SND1: variants seen among roughly 807,000 people sequenced by gnomAD.
SND1 encodes the protein staphylococcal nuclease domain-containing protein 1.
SND1 carries 38 observed loss-of-function variants against 121.7 expected under a neutral mutation model. That is an observed-to-expected ratio of 0.31 (90% CI 0.24 to 0.41). SND1 has a LOEUF of 0.41. Ranked by LOEUF, SND1 falls within the 10% of genes least tolerant of loss-of-function variation. The pLI is 1.00. For missense variants in SND1, 868 were observed against 1,184.6 expected (o/e 0.73, Z 3.92); for synonymous variants, 401 against 447.4 (o/e 0.90, Z 1.31).
intron 16 of SND1, among the ~76,000 whole-genome samples, chr7:128,017,704 T>C (rs1262438057): frequency 2.6e-5 from 4 of 152,206 alleles, no homozygotes; most frequent in Admixed American, 2.6e-4. Context: ...GGGGGCAAAC[T>C]CTTTACCCTT....
At chr7:127,938,596 A>T (rs1440067389) in intron 15 of SND1, among the ~76,000 whole-genome samples, 1 of 152,234 alleles carries the variant, frequency 6.6e-6, no homozygotes, top group Admixed American at 6.5e-5. Flanking sequence ...AGGCAGAAGA[A>T]GTTGGCCTGT....
chr7:127,721,370 A>C lies in SND1; in HGVS notation c.1122A>C (p.Arg374=), dbSNP rs757116143. Residue 374 remains arginine, a synonymous_variant, in exon 10 of 24, where the codon CGA becomes CGC. Coordinates refer to ENST00000354725, the MANE Select transcript of SND1 (RefSeq NM_014390.4). ...DYKTIHLSSI[R]PPRLEGENTQ... ...AGACGATTCACCTGTCCAGCATCCG[A>C]CCACCGAGGCTGGAGGGGGAGAACA... The C allele has an allele frequency of 5.6e-6, 9 of 1,612,442 alleles. No individual in the cohort carries two copies. The African/African-American group carries it at 9.3e-5, about 17-fold the overall frequency.
chr7:127,840,139 G>T (rs796923334), intron 11 of SND1, among the ~76,000 whole-genome samples: 1 of 152,234 alleles, frequency 6.6e-6, no homozygotes, highest in Non-Finnish European at 1.5e-5. Context: ...CACTCTTGGA[G>T]CTTACAGTTG....
chr7:128,083,826 GA>G (rs1341542161), intron 18 of SND1, among the ~76,000 whole-genome samples: 1 of 152,212 alleles, frequency 6.6e-6, no homozygotes, highest in Admixed American at 6.5e-5. Context: ...GACTGAGCTA[GA>G]ATCAGGGCCA....
intron 1 of SND1, among the ~76,000 whole-genome samples, chr7:127,667,424 G>T (rs1250225502): frequency 6.6e-6 from 1 of 152,090 alleles, no homozygotes; most frequent in Non-Finnish European, 1.5e-5. Context: ...ATTATGATTT[G>T]ATATTTTGTA....
Position 128,029,270 on chromosome 7 carries a change from T to G in SND1, c.1779+38214T>G. The G allele has an allele frequency of 6.2e-7, 1 of 1,614,174 alleles. No individual in the cohort carries two copies. Among genetic ancestry groups the G allele is most frequent in the Non-Finnish European group, 8.5e-7 (1 of 1,180,038 alleles). ...GCGAGATCTCCGTGGTCTCCACTGTTACTGTGGTGAAGAAGCTGTAGTTGG... is the reference window on the plus strand; with the variant it reads ...GCGAGATCTCCGTGGTCTCCACTGTGACTGTGGTGAAGAAGCTGTAGTTGG... On this transcript the variant is annotated intron_variant, in intron 16 of 23. Coordinates refer to ENST00000354725, the MANE Select transcript of SND1 (RefSeq NM_014390.4). This position sits in a 1 kb window ranked among gnomAD's most constrained non-coding sequence, Gnocchi z 4.2.
rs1055279705 is a variant in SND1 at position 128,015,246 on chromosome 7, T to C, written c.1779+24190T>C. Among the ~76,000 whole-genome samples, 7 of 152,192 alleles carry C rather than the reference T, an allele frequency of 4.6e-5. No homozygotes were observed. Among genetic ancestry groups the C allele is most frequent in the Admixed American group, 4.6e-4 (7 of 15,284 alleles). ...GTCAGGCCTTGCCCGCAGGTCAACG[T>C]GGGGCTAAAATGAAGACCGCTCTTA... On this transcript the variant is annotated intron_variant, in intron 16 of 23. Transcript: ENST00000354725. The surrounding 1 kb of genome is among the most constrained non-coding windows in gnomAD (Gnocchi z 4.5).
intron 10 of SND1, among the ~76,000 whole-genome samples, chr7:127,771,131 A>G (rs1258071322): frequency 2.6e-5 from 4 of 152,188 alleles, no homozygotes; most frequent in Non-Finnish European, 5.9e-5. Flanking sequence ...GTTCTTGCTA[A>G]TCGTGTTGTC....
At chr7:127,764,056 A>AAAC (rs144387934) in intron 10 of SND1, among the ~76,000 whole-genome samples, 30,441 of 132,112 alleles carry the variant, frequency 0.23, 3,818 homozygotes, top group Admixed American at 0.3. Context: ...AAAAAAACAA[A>AAAC]AAAACAAAAA....
intron 1 of SND1, among the ~76,000 whole-genome samples, chr7:127,667,768 C>T (rs867832254): frequency 6.6e-6 from 1 of 152,210 alleles, no homozygotes; most frequent in African/African-American, 2.4e-5. Flanking sequence ...AAGCACAGTC[C>T]TTGGAATTGT....
intron 15 of SND1, among the ~76,000 whole-genome samples, chr7:127,951,445 G>A (rs772705192): frequency 3.3e-5 from 5 of 152,222 alleles, no homozygotes; most frequent in Non-Finnish European, 5.9e-5. Flanking sequence ...GGGAGTTGTT[G>A]CTTGACAGGT....
chr7:127,699,949 G>T (rs1796073131), intron 4 of SND1, among the ~76,000 whole-genome samples: 4 of 152,180 alleles, frequency 2.6e-5, no homozygotes, highest in Admixed American at 2.6e-4. Context: ...GACTTGTGTG[G>T]TCCTTTCTGA....
intron 14 of SND1, among the ~76,000 whole-genome samples, chr7:127,919,927 G>A (rs186554411): frequency 0.013 from 2,019 of 152,164 alleles, 44 homozygotes; most frequent in Middle Eastern, 0.041. Flanking sequence ...ATAATTGGAA[G>A]GTATACCTCC....
At position 127,760,184 on chromosome 7, in the gene SND1, A is replaced by G. The variant is rs575863338; in HGVS notation, c.1152+38784A>G. The stretch of plus-strand genomic sequence containing the variant: ...CATGATTTGGATTTGCACTTCTTTG[A>G]CTTATTTCATTCATTAATCATTAAT... On this transcript the variant is annotated intron_variant, in intron 10 of 23. Coordinates refer to ENST00000354725, the MANE Select transcript of SND1 (RefSeq NM_014390.4). 4.6e-5 allele frequency among the ~76,000 whole-genome samples: 7 copies of G among 152,246 alleles called. No homozygotes were observed. The East Asian group carries it at 1.4e-3, about 29-fold the overall frequency.
intron 16 of SND1, among the ~76,000 whole-genome samples, chr7:127,993,195 A>C (rs969319474): frequency 6.6e-6 from 1 of 152,240 alleles, no homozygotes; most frequent in African/African-American, 2.4e-5. Flanking sequence ...TGTCCTGAAC[A>C]TTTCCTTTAT....
At chr7:127,766,552 A>G (rs58368490) in intron 10 of SND1, among the ~76,000 whole-genome samples, 2,727 of 152,050 alleles carry the variant, frequency 0.018, 95 homozygotes, top group African/African-American at 0.06. Context: ...AAGGCGGGCG[A>G]ATCACGAGGT....
chr7:128,080,948 C>T (rs990369108), intron 17 of SND1, among the ~76,000 whole-genome samples: 2 of 151,932 alleles, frequency 1.3e-5, no homozygotes, highest in Admixed American at 6.5e-5. Flanking sequence ...CCCACAGTCA[C>T]TCGCCCAGGG....
intron 16 of SND1, chr7:128,028,213 C>T (rs1803535476): frequency 6.6e-6 from 1 of 152,640 alleles, no homozygotes; most frequent in Admixed American, 6.6e-5. Context: ...TAAGATAATT[C>T]TGCAAAGACA....
chr7:127,855,487 G>A (rs767747673), intron 12 of SND1, among the ~76,000 whole-genome samples: 1 of 150,666 alleles, frequency 6.6e-6, no homozygotes, highest in Non-Finnish European at 1.5e-5. Flanking sequence ...TAGATACTGT[G>A]TAATCATGGG....
Sources: gnomAD v4.1 joint callset for allele counts (sites outside exome capture counted in the v4.1 genomes callset) on GRCh38, gnomAD v4.1.1 for gene constraint, Gnocchi (gnomAD v3.1) non-coding constraint, MANE v1.5 for transcripts, NCBI Gene and HGNC (gene_info 2026-07-23, HGNC 2026-07-21) for gene names.